DYNLL2: variants seen among roughly 807,000 people sequenced by gnomAD.
DYNLL2 encodes dynein light chain LC8-type 2.
In DYNLL2, 1 loss-of-function variant was observed where a neutral mutation model predicts 9.7. That is an observed-to-expected ratio of 0.10 (90% CI 0.04 to 0.49). DYNLL2 has a LOEUF of 0.49. Ranked by LOEUF, DYNLL2 falls within the 20% of genes least tolerant of loss-of-function variation. The pLI is 0.95. For missense variants in DYNLL2, 37 were observed against 115.2 expected (o/e 0.32, Z 3.11); for synonymous variants, 35 against 40.5 (o/e 0.86, Z 0.52).
chr17:58,087,693 C>G (rs1362882291), intron 2 of DYNLL2, among the ~76,000 whole-genome samples: 2 of 152,130 alleles, frequency 1.3e-5, no homozygotes, highest in African/African-American at 4.8e-5. Flanking sequence ...GACTCAGGTA[C>G]TACATCACCC....
chr17:58,084,524 T>G (rs2075751154), intron 1 of DYNLL2, among the ~76,000 whole-genome samples: 1 of 152,050 alleles, frequency 6.6e-6, no homozygotes, highest in African/African-American at 2.4e-5. Flanking sequence ...GTCCCTTGCT[T>G]TTTCCCAAGG....
chr17:58,090,333 G>T lies in DYNLL2; in HGVS notation c.*1054G>T, dbSNP rs147208480. 4.4e-3 allele frequency: 697 copies of T among 160,160 alleles called. 8 individuals carry two copies. The highest frequency in any genetic ancestry group is 0.016 in the African/African-American group (658 of 41,790). The allele number at this position is 160,160 out of a possible 1,614,324, so 9.9% of individuals were successfully genotyped here. A position where few individuals can be genotyped will look rare whatever the true frequency, so the allele number is the denominator to read the frequency against. ...TCTAGGGTGTATGGGTAGGTAGGGG[G>T]CACAGTTAGTTCTAAGTGGGCTTTT... On this transcript the variant is annotated 3_prime_UTR_variant, in exon 3 of 3. Transcript: ENST00000579991.
In DYNLL2 at chr17:58,093,965, G is replaced by A. The variant is rs2075789292; in HGVS notation, c.*4686G>A. The stretch of plus-strand genomic sequence containing the variant: ...ATACTCCTACCCACAGACTGCTACT[G>A]TGCCAATATAGAGGTTCATAAGAAA... On this transcript the variant is annotated 3_prime_UTR_variant, in exon 3 of 3. Coordinates refer to ENST00000579991, the MANE Select transcript of DYNLL2 (RefSeq NM_080677.3). 6.6e-6 allele frequency: 1 copy of A among 152,198 alleles called. No homozygotes were observed. The highest frequency in any genetic ancestry group is 1.5e-5 in the Non-Finnish European group (1 of 68,048). 9.4% of individuals were successfully genotyped at this position (152,198 alleles called of 1,614,324 possible).
intron 1 of DYNLL2, among the ~76,000 whole-genome samples, chr17:58,086,114 G>C (rs2075759035): frequency 6.6e-6 from 1 of 152,190 alleles, no homozygotes; most frequent in African/African-American, 2.4e-5. Context: ...CCAAGTCTGA[G>C]GTTGCCTTCC....
rs566791736 is a variant in DYNLL2, at chr17:58,093,994, A to G, written c.*4715A>G. On this transcript the variant is annotated 3_prime_UTR_variant, in exon 3 of 3. Coordinates refer to ENST00000579991, the MANE Select transcript of DYNLL2 (RefSeq NM_080677.3). ...CAATATAGAGGTTCATAAGAAAGAT[A>G]AAAGAGAACCAGCAGAACCCCAGGT... The G allele has an allele frequency of 7.9e-5, 12 of 152,164 alleles. No individual in the cohort carries two copies. The highest frequency in any genetic ancestry group is 1.8e-4 in the Non-Finnish European group (12 of 68,040). 9.4% of individuals were successfully genotyped at this position (152,164 alleles called of 1,614,324 possible). A position where few individuals can be genotyped will look rare whatever the true frequency, so the allele number is the denominator to read the frequency against.
At position 58,092,194 on chromosome 17, in the gene DYNLL2, C is replaced by T. The variant is rs531398151; in HGVS notation, c.*2915C>T. ...AAGTTGAGAGACTCTAGAGCCCCAA[C>T]TTCTGTTACTGCTTTAGCTGTCGTG... On this transcript the variant is annotated 3_prime_UTR_variant, in exon 3 of 3. Coordinates refer to ENST00000579991, the MANE Select transcript of DYNLL2 (RefSeq NM_080677.3). 6.6e-6 allele frequency: 1 copy of T among 152,356 alleles called. No homozygotes were observed. Among genetic ancestry groups the T allele is most frequent in the African/African-American group, 2.4e-5 (1 of 41,574 alleles). 9.4% of individuals were successfully genotyped at this position (152,356 alleles called of 1,614,324 possible). A position where few individuals can be genotyped will look rare whatever the true frequency, so the allele number is the denominator to read the frequency against.
rs2075779878 is a variant in DYNLL2, at chr17:58,091,486, CAT to C, written c.*2210_*2211del. The C allele has an allele frequency of 6.6e-6, 1 of 152,274 alleles. No individual in the cohort carries two copies. The highest frequency in any genetic ancestry group is 1.5e-5 in the Non-Finnish European group (1 of 68,142). 9.4% of individuals were successfully genotyped at this position (152,274 alleles called of 1,614,324 possible). On this transcript the variant is annotated 3_prime_UTR_variant, in exon 3 of 3. Coordinates refer to ENST00000579991, the MANE Select transcript of DYNLL2 (RefSeq NM_080677.3). ...CCTTGGTGGTGATGGCCAGGTGAAT[CAT>C]ATTTTGTGTCTTTGGGATAGTAACT...
Position 58,090,148 on chromosome 17 carries a change from C to T in DYNLL2, c.*869C>T, listed in dbSNP as rs2075774850. On this transcript the variant is annotated 3_prime_UTR_variant, in exon 3 of 3. Coordinates refer to ENST00000579991, the MANE Select transcript of DYNLL2 (RefSeq NM_080677.3). Reference sequence around the variant, plus strand: ...TGTTAGTTGGCTGGCAAGGGAATTTCTGGTGACTGTAGTTCCTTAGTTAGG... The same window carrying T: ...TGTTAGTTGGCTGGCAAGGGAATTTTTGGTGACTGTAGTTCCTTAGTTAGG... 1 of 380,762 alleles carries T rather than the reference C, an allele frequency of 2.6e-6. No individual in the cohort carries two copies. The highest frequency in any genetic ancestry group is 2.1e-5 in the African/African-American group (1 of 48,188). The allele number at this position is 380,762 out of a possible 1,614,324, so 23.6% of individuals were successfully genotyped here. A position where few individuals can be genotyped will look rare whatever the true frequency, so the allele number is the denominator to read the frequency against.
intron 1 of DYNLL2, among the ~76,000 whole-genome samples, chr17:58,084,062 C>G (rs942305427): frequency 2.6e-5 from 4 of 151,982 alleles, no homozygotes; most frequent in Admixed American, 2.6e-4. Context: ...CTCCTCCTGC[C>G]GCCACCGCCA....
chr17:58,089,690 C>T lies in DYNLL2; in HGVS notation c.*411C>T, dbSNP rs74470907. 313 of 406,092 alleles carry T rather than the reference C, an allele frequency of 7.7e-4. 2 individuals are homozygous for T. The highest frequency in any genetic ancestry group is 4.9e-3 in the African/African-American group (240 of 48,674). 25.2% of individuals were successfully genotyped at this position (406,092 alleles called of 1,614,324 possible). The stretch of plus-strand genomic sequence containing the variant: ...AAACTGTGCAGCTGCCTCTTCCTGG[C>T]GGTGGATGCTGCTTTGGGAGGGCCA... On this transcript the variant is annotated 3_prime_UTR_variant, in exon 3 of 3. Transcript: ENST00000579991.
Position 58,083,480 on chromosome 17 carries a change from GTGAGGCGGAGCGCGGGCGGC to G in DYNLL2, c.-212_-193del. 15 of 135,512 alleles carry G rather than the reference GTGAGGCGGAGCGCGGGCGGC, an allele frequency of 1.1e-4. No homozygotes were observed. The highest frequency in any genetic ancestry group is 2.1e-4 in the Non-Finnish European group (13 of 61,202). The allele number at this position is 135,512 out of a possible 1,614,324, so 8.4% of individuals were successfully genotyped here. On this transcript the variant is annotated 5_prime_UTR_variant, in exon 1 of 3. Coordinates refer to ENST00000579991, the MANE Select transcript of DYNLL2 (RefSeq NM_080677.3). ...CGGAGCGGGCGGGCGGGCGGGCGGC[GTGAGGCGGAGCGCGGGCGGC>G]CGGCGAAACTCCAAGGGCGGACCGC...
intron 1 of DYNLL2, 140 bp from the exon 2 acceptor site, chr17:58,086,942 C>G: frequency 1.0e-6 from 1 of 990,618 alleles, no homozygotes; most frequent in Non-Finnish European, 1.5e-6. Flanking sequence ...GGGGCTCCCT[C>G]TCCTAATGCT....
chr17:58,089,736 T>C lies in DYNLL2; in HGVS notation c.*457T>C, dbSNP rs1485863845. On this transcript the variant is annotated 3_prime_UTR_variant, in exon 3 of 3. Coordinates refer to ENST00000579991, the MANE Select transcript of DYNLL2 (RefSeq NM_080677.3). ...GGCCAGGGAGGCTGCAGGGGGACAG[T>C]GTTGGGATTGTCAAGGAAAAAGGGG... 5.0e-6 allele frequency: 2 copies of C among 402,448 alleles called. No homozygotes were observed. The highest frequency in any genetic ancestry group is 7.1e-5 in the East Asian group (2 of 28,136). The allele number at this position is 402,448 out of a possible 1,614,324, so 24.9% of individuals were successfully genotyped here. A position where few individuals can be genotyped will look rare whatever the true frequency, so the allele number is the denominator to read the frequency against.
At chr17:58,084,858 G>A (rs993879357) in intron 1 of DYNLL2, among the ~76,000 whole-genome samples, 1 of 150,366 alleles carries the variant, frequency 6.7e-6, no homozygotes, top group Non-Finnish European at 1.5e-5. Context: ...CCTTCTGAGT[G>A]GTAACCTGGA....
At position 58,090,008 on chromosome 17, in the gene DYNLL2, A is replaced by G; in HGVS notation, c.*729A>G. ...TCCTGCCAGAGATCATGACAGGAGG[A>G]TGCTGGGGTAGGATTAGCTTGAATC... is the stretch of plus-strand genomic sequence containing the variant. On this transcript the variant is annotated 3_prime_UTR_variant, in exon 3 of 3. Coordinates refer to ENST00000579991, the MANE Select transcript of DYNLL2 (RefSeq NM_080677.3). The G allele has an allele frequency of 2.5e-6, 1 of 398,236 alleles. No homozygotes were observed. Among genetic ancestry groups the G allele is most frequent in the East Asian group, 3.6e-5 (1 of 28,078 alleles). The allele number at this position is 398,236 out of a possible 1,614,324, so 24.7% of individuals were successfully genotyped here. A position where few individuals can be genotyped will look rare whatever the true frequency, so the allele number is the denominator to read the frequency against.
rs376668096 is a variant in DYNLL2, at chr17:58,083,458, AGCGGGCGG to A, written c.-222_-215del. ...GCGGAGCTGTGAGGCGCCAGTGCGG[AGCGGGCGG>A]GCGGGCGGGCGGCGTGAGGCGGAGC... On this transcript the variant is annotated 5_prime_UTR_variant, in exon 1 of 3. Transcript: ENST00000579991. 4.6e-3 allele frequency: 605 copies of A among 131,908 alleles called. 8 individuals carry two copies. Among genetic ancestry groups the A allele is most frequent in the Non-Finnish European group, 6.0e-3 (364 of 60,658 alleles). The allele number at this position is 131,908 out of a possible 1,614,324, so 8.2% of individuals were successfully genotyped here. A position where few individuals can be genotyped will look rare whatever the true frequency, so the allele number is the denominator to read the frequency against.
At position 58,093,552 on chromosome 17, in the gene DYNLL2, G is replaced by C. The variant is rs1383029481; in HGVS notation, c.*4273G>C. On this transcript the variant is annotated 3_prime_UTR_variant, in exon 3 of 3. Coordinates refer to ENST00000579991, the MANE Select transcript of DYNLL2 (RefSeq NM_080677.3). ...CACTGTGATGCACAAAGGCTTAACT[G>C]GGTTTGGCAGCAAGGGTCTCATGGA... is the stretch of plus-strand genomic sequence containing the variant. 6.6e-6 allele frequency: 1 copy of C among 152,158 alleles called. No homozygotes were observed. The highest frequency in any genetic ancestry group is 1.5e-5 in the Non-Finnish European group (1 of 68,030). The allele number at this position is 152,158 out of a possible 1,614,324, so 9.4% of individuals were successfully genotyped here. A position where few individuals can be genotyped will look rare whatever the true frequency, so the allele number is the denominator to read the frequency against.
At chr17:58,083,764 C>A in intron 1 of DYNLL2, 81 bp downstream of exon 1, 1 of 152,144 alleles carries the variant, frequency 6.6e-6, no homozygotes. Flanking sequence ...GCCCTCGCCG[C>A]GGTGGCCCTG....
At chr17:58,089,115 T>C (rs201029806) in intron 2 of DYNLL2, 27 bp from the exon 3 acceptor site, 4 of 1,612,544 alleles carry the variant, frequency 2.5e-6, no homozygotes, top group Middle Eastern at 3.3e-4. Flanking sequence ...CTAATTACCT[T>C]TCTTCTCTAC....
Sources: allele counts gnomAD v4.1 joint callset (sites outside exome capture counted in the v4.1 genomes callset), GRCh38; gene constraint gnomAD v4.1.1; transcripts MANE v1.5; gene names NCBI Gene and HGNC (gene_info 2026-07-23, HGNC 2026-07-21).